Variants in POLR2C observed in about 807,000 individuals in gnomAD.
POLR2C encodes the protein DNA-directed RNA polymerase II subunit RPB3.
A neutral mutation model predicts 41.7 loss-of-function variants in POLR2C; 36 were observed. That is an observed-to-expected ratio of 0.86 (90% CI 0.66 to 1.14). The LOEUF (loss-of-function observed/expected upper bound fraction) is 1.14. Ranked by LOEUF, POLR2C falls within the 50% of genes most tolerant of loss-of-function variation. The pLI is 0.00. For missense variants in POLR2C, 260 were observed against 350.4 expected (o/e 0.74, Z 2.06); for synonymous variants, 133 against 137.8 (o/e 0.96, Z 0.25).
Position 57,470,120 on chromosome 16 carries a change from C to T in POLR2C, c.599C>T (p.Pro200Leu), listed in dbSNP as rs1193543527. The change falls in exon 7 of 9, where the codon CCC becomes CTC. Residue 200 changes from proline (P) to leucine (L), a missense_variant. By Grantham distance (98) the Pro-to-Leu change is moderately conservative. Coordinates refer to ENST00000219252, the MANE Select transcript of POLR2C (RefSeq NM_032940.3). Reference sequence around the variant, plus strand: ...CTGAGGCACACAGTGTACCCCAAGCCCGAGGAATGGTATGTTCCCCTTAGG... The same window carrying T: ...CTGAGGCACACAGTGTACCCCAAGCTCGAGGAATGGTATGTTCCCCTTAGG... ...NALRHTVYPK[P>L]EEWPKSEYSE... The T allele has an allele frequency of 1.9e-6, 3 of 1,613,500 alleles. No individual in the cohort carries two copies. The African/African-American group carries it at 4.0e-5, about 22-fold the overall frequency.
rs1324856943 is a variant in POLR2C, at chr16:57,471,386, T to C, written c.*267T>C. ...ATCCCAGAAGGTCCCTGCTGGAGTG[T>C]TTCCAGTGCACCTGTAGGGAACCAA... On this transcript the variant is annotated 3_prime_UTR_variant, in exon 9 of 9. Transcript: ENST00000219252. The C allele has an allele frequency of 4.7e-6, 2 of 428,280 alleles. No homozygotes were observed. The highest frequency in any genetic ancestry group is 4.1e-5 in the East Asian group (1 of 24,438). 26.5% of individuals were successfully genotyped at this position (428,280 alleles called of 1,614,324 possible). A position where few individuals can be genotyped will look rare whatever the true frequency, so the allele number is the denominator to read the frequency against.
intron 8 of POLR2C, among the ~76,000 whole-genome samples, 163 bp from the exon 9 acceptor site, chr16:57,470,812 C>T (rs2030816277): frequency 5.3e-5 from 8 of 152,178 alleles, no homozygotes; most frequent in Admixed American, 5.2e-4. Flanking sequence ...GTTGAAACTA[C>T]CCTATGTAAG....
In POLR2C at chr16:57,462,691, G is replaced by C; in HGVS notation, c.-34G>C. On this transcript the variant is annotated 5_prime_UTR_variant, in exon 1 of 9. Transcript: ENST00000219252. ...GCGGTGGCGCCGCGCAGTCACCGCG[G>C]AGCAGACGCGGAGGCTGGTGGCCCC... 6.5e-7 allele frequency: 1 copy of C among 1,529,214 alleles called. No individual in the cohort carries two copies. Among genetic ancestry groups the C allele is most frequent in the African/African-American group, 1.4e-5 (1 of 72,198 alleles). The allele number at this position is 1,529,214 out of a possible 1,614,324, so 94.7% of individuals were successfully genotyped here.
In POLR2C at chr16:57,470,046, G is replaced by A; in HGVS notation, c.525G>A (p.Lys175=). ...AGGGCTTTGGCAAGGAGCATGCCAAGTGGAACCCTACTGCAGGGGTGGCTT... is the reference window on the plus strand; with the variant it reads ...AGGGCTTTGGCAAGGAGCATGCCAAATGGAACCCTACTGCAGGGGTGGCTT... ...AKKGFGKEHA[K]WNPTAGVAFE... The change falls in exon 7 of 9, where the codon AAG becomes AAA. Residue 175 remains lysine (K), a synonymous_variant. Transcript: ENST00000219252. 1 of 1,614,214 alleles carries A rather than the reference G, an allele frequency of 6.2e-7. No homozygotes were observed. The highest frequency in any genetic ancestry group is 8.5e-7 in the Non-Finnish European group (1 of 1,180,022).
At chr16:57,466,751 G>A (rs2030717891) in intron 4 of POLR2C, among the ~76,000 whole-genome samples, 1 of 152,146 alleles carries the variant, frequency 6.6e-6, no homozygotes, top group Admixed American at 6.5e-5. Context: ...TCAGAGTTTG[G>A]AGAGAGTAGG....
rs139254046 is a variant in POLR2C, at chr16:57,470,018, A to G, written c.497A>G (p.Lys166Arg). The G allele has an allele frequency of 5.0e-6, 8 of 1,614,078 alleles. No homozygotes were observed. Among genetic ancestry groups the G allele is most frequent in the African/African-American group, 2.7e-5 (2 of 74,928 alleles). ...GQELRLRAYA[K>R]KGFGKEHAKW... Reference sequence around the variant, plus strand: ...GAGCTGAGACTTCGAGCCTATGCCAAAAAGGGCTTTGGCAAGGAGCATGCC... The same window carrying G: ...GAGCTGAGACTTCGAGCCTATGCCAGAAAGGGCTTTGGCAAGGAGCATGCC... The change falls in exon 7 of 9, where the codon AAA becomes AGA. Residue 166 changes from lysine (K) to arginine (R), a missense_variant. Coordinates refer to ENST00000219252, the MANE Select transcript of POLR2C (RefSeq NM_032940.3).
chr16:57,470,914 G>C, intron 8 of POLR2C, 61 bp from the exon 9 acceptor site: 6 of 1,564,174 alleles, frequency 3.8e-6, no homozygotes, highest in Non-Finnish European at 4.4e-6. Context: ...GGTTGTCCAT[G>C]GCCAGAGCTC....
At chr16:57,467,768 GT>G (rs1229258760) in intron 4 of POLR2C, among the ~76,000 whole-genome samples, 4 of 152,158 alleles carry the variant, frequency 2.6e-5, no homozygotes, top group African/African-American at 9.7e-5. Flanking sequence ...GCCTAAGAAA[GT>G]TAGCATTAAT....
chr16:57,463,339 T>C, intron 2 of POLR2C: 1 of 585,044 alleles, frequency 1.7e-6, no homozygotes, highest in South Asian at 2.1e-5. Context: ...CAGACTTGGG[T>C]TCAAATACTG....
At chr16:57,468,972 C>G (rs1208765337) in intron 4 of POLR2C, among the ~76,000 whole-genome samples, 193 bp from the exon 5 acceptor site, 1 of 152,158 alleles carries the variant, frequency 6.6e-6, no homozygotes, top group African/African-American at 2.4e-5. Context: ...TAAGTTGTCT[C>G]TAAACTTGGG....
Position 57,469,838 on chromosome 16 carries a change from T to G in POLR2C, c.439+77T>G. 6.4e-7 allele frequency: 1 copy of G among 1,568,004 alleles called. No homozygotes were observed. The highest frequency in any genetic ancestry group is 8.8e-7 in the Non-Finnish European group (1 of 1,139,018). ...ACACAGCCTCTCGTGCTGCCTGGTC[T>G]CCTCGAAAATTGGCTTTAGACCGTT... is the stretch of plus-strand genomic sequence containing the variant. On this transcript the variant is annotated intron_variant, in intron 6 of 8. Transcript: ENST00000219252. The surrounding 1 kb of genome is among the most constrained non-coding windows in gnomAD (Gnocchi z 5.8).
In POLR2C at chr16:57,466,133, G is replaced by A. The variant is rs776906805; in HGVS notation, c.206-42G>A. On this transcript the variant is annotated intron_variant, in intron 3 of 8. Transcript: ENST00000219252. ...GGCTTCTGGGTTCTCATTTTGGCTT[G>A]GCTGTTTGGTTTTCTTTAAAGTGCT... 61 of 1,540,968 alleles carry A rather than the reference G, an allele frequency of 4.0e-5. 1 individual carries two copies. Among genetic ancestry groups the A allele is most frequent in the Non-Finnish European group, 4.2e-5 (47 of 1,116,014 alleles).
At chr16:57,463,863 C>A (rs887729544) in intron 2 of POLR2C, 1 of 303,878 alleles carries the variant, frequency 3.3e-6, no homozygotes, top group Non-Finnish European at 6.5e-6. Context: ...TTGATTGAAC[C>A]CAGAAGGTGG....
chr16:57,469,833 T>C lies in POLR2C; in HGVS notation c.439+72T>C, dbSNP rs1177009853. Reference sequence around the variant, plus strand: ...ACCAGACACAGCCTCTCGTGCTGCCTGGTCTCCTCGAAAATTGGCTTTAGA... The same window carrying C: ...ACCAGACACAGCCTCTCGTGCTGCCCGGTCTCCTCGAAAATTGGCTTTAGA... On this transcript the variant is annotated intron_variant, in intron 6 of 8. Transcript: ENST00000219252. This position sits in a 1 kb window ranked among gnomAD's most constrained non-coding sequence, Gnocchi z 5.8. The C allele has an allele frequency of 1.6e-5, 25 of 1,569,912 alleles. 1 individual carries two copies. The highest frequency in any genetic ancestry group is 2.2e-5 in the East Asian group (1 of 44,696).
In POLR2C at chr16:57,469,969, A is replaced by T; in HGVS notation, c.448A>T (p.Ile150Phe). 6.2e-7 allele frequency: 1 copy of T among 1,613,628 alleles called. No homozygotes were observed. Among genetic ancestry groups the T allele is most frequent in the East Asian group, 2.2e-5 (1 of 44,878 alleles). Residue 150 changes from isoleucine to phenylalanine, a missense_variant, in exon 7 of 9, where the codon ATC becomes TTC. Coordinates refer to ENST00000219252, the MANE Select transcript of POLR2C (RefSeq NM_032940.3). This position sits in a 1 kb window ranked among gnomAD's most constrained non-coding sequence, Gnocchi z 5.8. ...NDYVEQDDILIVKLRKGQELR... is the reference protein window; with the variant it reads ...NDYVEQDDILFVKLRKGQELR... ...TGTGCCTCTCCCTGCAGACATCCTC[A>T]TCGTCAAGTTGAGAAAGGGCCAGGA...
At position 57,462,785 on chromosome 16, in the gene POLR2C, T is replaced by C. The variant is rs1378420993; in HGVS notation, c.61T>C (p.Phe21Leu). Residue 21 changes from phenylalanine (F) to leucine (L), a missense_variant, in exon 1 of 9, where the codon TTC becomes CTC. Coordinates refer to ENST00000219252, the MANE Select transcript of POLR2C (RefSeq NM_032940.3). ...GGAGCTCACTGACGAGAATGTCAAG[T>C]TCATCATCGAGAACACCGACCTGGC... ...ITELTDENVK[F>L]IIENTDLAVA... 2.1e-5 allele frequency: 34 copies of C among 1,609,350 alleles called. No individual in the cohort carries two copies. Among genetic ancestry groups the C allele is most frequent in the Non-Finnish European group, 2.9e-5 (34 of 1,177,784 alleles).
chr16:57,467,341 T>A (rs1293889940), intron 4 of POLR2C, among the ~76,000 whole-genome samples: 1 of 152,254 alleles, frequency 6.6e-6, no homozygotes, highest in African/African-American at 2.4e-5. Context: ...CCTATTTGTT[T>A]CAGATCTCCA....
chr16:57,464,341 A>G (rs1228012404), intron 2 of POLR2C, among the ~76,000 whole-genome samples: 9 of 152,180 alleles, frequency 5.9e-5, no homozygotes, highest in African/African-American at 9.7e-5. Flanking sequence ...TAGGGGAGAG[A>G]TGAATCCACA....
chr16:57,463,150 G>A (rs1479829927), intron 2 of POLR2C, 72 bp downstream of exon 2: 1 of 1,213,358 alleles, frequency 8.2e-7, no homozygotes, highest in Non-Finnish European at 1.2e-6. Context: ...CACTCTTTGG[G>A]GCTCCTTCCA....
Sources: allele counts gnomAD v4.1 joint callset (sites outside exome capture counted in the v4.1 genomes callset), GRCh38; gene constraint gnomAD v4.1.1; non-coding constraint Gnocchi (gnomAD v3.1); transcripts MANE v1.5; gene names NCBI Gene and HGNC (gene_info 2026-07-23, HGNC 2026-07-21).